Variants in MIAT observed in about 807,000 individuals in gnomAD.
MIAT encodes the protein myocardial infarction associated transcript.
intron 3 of MIAT, among the ~76,000 whole-genome samples, chr22:26,664,226 G>A (rs1461832923): frequency 6.6e-6 from 1 of 152,000 alleles, no homozygotes; most frequent in African/African-American, 2.4e-5. Flanking sequence ...TGGCCAGGCT[G>A]GTCTCGAACT....
In MIAT at chr22:26,647,374, GGA is replaced by G. The variant is rs55740419; in HGVS notation, n.646+114_646+115del. 1,034 of 126,900 alleles carry G rather than the reference GGA, an allele frequency of 8.1e-3. 13 individuals are homozygous for G. Among genetic ancestry groups the G allele is most frequent in the African/African-American group, 0.028 (419 of 14,814 alleles). The allele number at this position is 126,900 out of a possible 1,614,324, so 7.9% of individuals were successfully genotyped here. A position where few individuals can be genotyped will look rare whatever the true frequency, so the allele number is the denominator to read the frequency against. Reference sequence around the variant, plus strand: ...TGGGGGCGGCGGGGACGTGGGGGGTGGAGAGAGAGAGAGAGAGAGAGAGAGAG... The same window carrying G: ...TGGGGGCGGCGGGGACGTGGGGGGTGGAGAGAGAGAGAGAGAGAGAGAGAG... On this transcript the variant is annotated intron_variant and non_coding_transcript_variant, in intron 2 of 5. Coordinates refer to ENST00000643270, the Ensembl canonical transcript of MIAT.
rs932384122 is a variant in MIAT, at chr22:26,647,367, G to C, written n.646+56G>C. 4 of 347,078 alleles carry C rather than the reference G, an allele frequency of 1.2e-5. 1 individual carries two copies. Among genetic ancestry groups the C allele is most frequent in the African/African-American group, 9.1e-5 (4 of 44,072 alleles). 21.5% of individuals were successfully genotyped at this position (347,078 alleles called of 1,614,324 possible). A position where few individuals can be genotyped will look rare whatever the true frequency, so the allele number is the denominator to read the frequency against. On this transcript the variant is annotated intron_variant and non_coding_transcript_variant, in intron 2 of 5. Coordinates refer to ENST00000643270, the Ensembl canonical transcript of MIAT. ...TTAGTTGTGGGGGCGGCGGGGACGT[G>C]GGGGGTGGAGAGAGAGAGAGAGAGA...
chr22:26,673,215 T>C, downstream of MIAT: 6 of 398,758 alleles, frequency 1.5e-5, no homozygotes, highest in Non-Finnish European at 1.8e-5. Flanking sequence ...TCTCTGGCTC[T>C]CTGTTCCCAC....
At chr22:26,661,315 G>T (rs149891141) in intron 2 of MIAT, among the ~76,000 whole-genome samples, 1 of 152,314 alleles carries the variant, frequency 6.6e-6, no homozygotes, top group African/African-American at 2.4e-5. Context: ...GTCTGGCTAA[G>T]AGTGACATCT....
exon 4 of MIAT, chr22:26,665,752 C>G: frequency 5.0e-6 from 2 of 398,634 alleles, no homozygotes; most frequent in Non-Finnish European, 8.8e-6. Context: ...TTTTCTACCT[C>G]TATGGAAGAA....
intron 2 of MIAT, among the ~76,000 whole-genome samples, chr22:26,654,963 C>T (rs1269752977): frequency 1.3e-5 from 2 of 152,164 alleles, no homozygotes; most frequent in East Asian, 1.9e-4. Flanking sequence ...CCGCCCGCCT[C>T]GGCCTCCCAA....
chr22:26,653,103 G>A (rs993848131), intron 2 of MIAT, among the ~76,000 whole-genome samples: 3 of 152,176 alleles, frequency 2.0e-5, no homozygotes, highest in Non-Finnish European at 4.4e-5. Context: ...CCCTCCGTAG[G>A]GAAATGGAAG....
downstream of MIAT, chr22:26,672,784 G>A (rs970646923): frequency 5.0e-6 from 2 of 398,656 alleles, no homozygotes; most frequent in African/African-American, 4.1e-5. Context: ...AGTCAATGAA[G>A]CGGGTCTTTC....
chr22:26,665,271 G>GAAAGAAAGAA (rs1569221720), intron 3 of MIAT, among the ~76,000 whole-genome samples: 1 of 144,766 alleles, frequency 6.9e-6, no homozygotes, highest in East Asian at 1.9e-4. Flanking sequence ...AAGAAAGAAA[G>GAAAGAAAGAA]AAAGAAAGAA....
rs554411830 is a variant in MIAT at position 26,663,123 on chromosome 22, G to A, written n.647-193G>A. Among the ~76,000 whole-genome samples the A allele has an allele frequency of 3.3e-5, 5 of 152,312 alleles. No homozygotes were observed. In the South Asian group the frequency reaches 1.0e-3, roughly 32 times the overall value. On this transcript the variant is annotated intron_variant and non_coding_transcript_variant, in intron 2 of 5. Transcript: ENST00000643270. ...CAGGAATCCATGCCATAAAACCCAT[G>A]TTAGGATGTATTGGTTGACACTGGC...
intron 2 of MIAT, chr22:26,657,435 C>T: frequency 2.5e-6 from 1 of 398,556 alleles, no homozygotes; most frequent in Non-Finnish European, 4.4e-6. Flanking sequence ...GGTGGGGCGC[C>T]TCCGCCCGCC....
chr22:26,673,745 G>C (rs117092910), downstream of MIAT: 25 of 398,754 alleles, frequency 6.3e-5, no homozygotes, highest in Non-Finnish European at 1.1e-4. Context: ...CGTGGTGGCT[G>C]CTCTGAGTCA....
At position 26,659,785 on chromosome 22, in the gene MIAT, C is replaced by CAA. The variant is rs112543684; in HGVS notation, n.647-3522_647-3521dup. Among the ~76,000 whole-genome samples the CAA allele has an allele frequency of 6.6e-3, 909 of 138,714 alleles. 11 individuals carry two copies. Among genetic ancestry groups the CAA allele is most frequent in the African/African-American group, 0.017 (628 of 37,430 alleles). The allele number at this position is 138,714 out of a possible 152,430, so 91.0% of individuals were successfully genotyped here. A position where few individuals can be genotyped will look rare whatever the true frequency, so the allele number is the denominator to read the frequency against. ...ATAATTGTAAAGGATTTAGAAAAGA[C>CAA]AAAAAAAAAAGAAAACTCCATTTTC... On this transcript the variant is annotated intron_variant and non_coding_transcript_variant, in intron 2 of 5. Transcript: ENST00000643270.
chr22:26,655,573 A>G (rs1930413776), intron 2 of MIAT, among the ~76,000 whole-genome samples: 1 of 152,186 alleles, frequency 6.6e-6, no homozygotes, highest in African/African-American at 2.4e-5. Flanking sequence ...TGTGGATTCC[A>G]TTATTATCTC....
downstream of MIAT, chr22:26,670,605 A>T (rs1474669353): frequency 3.0e-5 from 7 of 232,646 alleles, no homozygotes; most frequent in Non-Finnish European, 4.3e-5. Flanking sequence ...TGCTCCTTAA[A>T]AAAAAAAAAA....
downstream of MIAT, chr22:26,673,029 A>C: frequency 2.5e-6 from 1 of 398,578 alleles, no homozygotes; most frequent in Non-Finnish European, 4.4e-6. Context: ...CTTGGGAAAG[A>C]TCCGTCCCAT....
intron 2 of MIAT, among the ~76,000 whole-genome samples, chr22:26,654,483 A>G (rs1026340105): frequency 1.3e-5 from 2 of 152,162 alleles, no homozygotes; most frequent in Non-Finnish European, 2.9e-5. Context: ...GATCCCCTGT[A>G]TTCAGTTAGA....
At chr22:26,674,483 G>C, downstream of MIAT, 1 of 398,814 alleles carries the variant, frequency 2.5e-6, no homozygotes, top group Non-Finnish European at 4.4e-6. Flanking sequence ...TCAAAGGCTG[G>C]CTTACAGACC....
At chr22:26,674,516 G>A (rs559172337), downstream of MIAT, 5 of 398,834 alleles carry the variant, frequency 1.3e-5, no homozygotes, top group Admixed American at 4.4e-5. Flanking sequence ...TGCTTGGGTC[G>A]TTGAATGCTA....
Sources: allele counts gnomAD v4.1 joint callset (sites outside exome capture counted in the v4.1 genomes callset), GRCh38; gene constraint gnomAD v4.1.1; transcripts MANE v1.5; gene names NCBI Gene and HGNC (gene_info 2026-07-23, HGNC 2026-07-21).